Variants in SDK1 observed in about 807,000 individuals in gnomAD.
SDK1 encodes the protein sidekick cell adhesion molecule 1.
In SDK1, 157 loss-of-function variants were observed where a neutral mutation model predicts 245.5. The ratio of observed to expected loss-of-function variants is 0.64; its 90% CI spans 0.56 to 0.73. The LOEUF (loss-of-function observed/expected upper bound fraction) is 0.73. Ranked by LOEUF, SDK1 falls within the 30% of genes least tolerant of loss-of-function variation. The pLI is 0.00. For missense variants in SDK1, 3,583 were observed against 3,002.3 expected (o/e 1.19, Z -4.52); for synonymous variants, 1,647 against 1,278.5 (o/e 1.29, Z -6.15).
At chr7:3,646,715 C>G (rs1782850287) in intron 4 of SDK1, among the ~76,000 whole-genome samples, 1 of 145,204 alleles carries the variant, frequency 6.9e-6, no homozygotes, top group African/African-American at 2.9e-5. Context: ...ATTTAGAAGA[C>G]CAGCTTTCAA....
chr7:3,781,535 C>A (rs1780737932), intron 4 of SDK1, among the ~76,000 whole-genome samples: 1 of 152,106 alleles, frequency 6.6e-6, no homozygotes, highest in South Asian at 2.1e-4. Flanking sequence ...ATCATGACAC[C>A]TGCAAAGAAA....
At chr7:4,007,128 C>T (rs1010349154) in intron 14 of SDK1, among the ~76,000 whole-genome samples, 2 of 152,178 alleles carry the variant, frequency 1.3e-5, no homozygotes, top group African/African-American at 4.8e-5. Context: ...TTACTGAGTC[C>T]AGTATCAGTC....
At chr7:4,105,107 C>G (rs776255465) in intron 22 of SDK1, among the ~76,000 whole-genome samples, 2 of 151,608 alleles carry the variant, frequency 1.3e-5, no homozygotes, top group Non-Finnish European at 2.9e-5. Flanking sequence ...CTCAGCCTCC[C>G]AAGTAGCTGG....
At chr7:4,257,460 AAAT>A (rs1282712464) in intron 44 of SDK1, among the ~76,000 whole-genome samples, 1 of 152,248 alleles carries the variant, frequency 6.6e-6, no homozygotes, top group Non-Finnish European at 1.5e-5. Context: ...CCCCATTAAA[AAAT>A]AATAATGTCA....
chr7:3,565,856 C>A (rs150339630), intron 1 of SDK1, among the ~76,000 whole-genome samples: 8 of 152,028 alleles, frequency 5.3e-5, no homozygotes, highest in African/African-American at 1.9e-4. Flanking sequence ...CAATTTTTTC[C>A]GAATATTTTC....
At chr7:3,530,734 A>G (rs1783316133) in intron 1 of SDK1, among the ~76,000 whole-genome samples, 1 of 152,228 alleles carries the variant, frequency 6.6e-6, no homozygotes, top group Non-Finnish European at 1.5e-5. Flanking sequence ...AGGCCAAGGT[A>G]GCTAAATGCA....
At chr7:3,539,945 T>C (rs2128620231) in intron 1 of SDK1, among the ~76,000 whole-genome samples, 1 of 152,340 alleles carries the variant, frequency 6.6e-6, no homozygotes, top group Non-Finnish European at 1.5e-5. Context: ...CCAGTAGGCA[T>C]AATGACATAC....
intron 35 of SDK1, among the ~76,000 whole-genome samples, chr7:4,202,586 G>T (rs529521324): frequency 6.6e-6 from 1 of 152,284 alleles, no homozygotes; most frequent in East Asian, 1.9e-4. Context: ...GCTGTCCCCA[G>T]ATCAAATGGA....
At chr7:3,546,595 C>T (rs1779232759) in intron 1 of SDK1, among the ~76,000 whole-genome samples, 1 of 152,164 alleles carries the variant, frequency 6.6e-6, no homozygotes, top group South Asian at 2.1e-4. Flanking sequence ...TGCCAAGCAC[C>T]AAAATGAGTG....
intron 4 of SDK1, among the ~76,000 whole-genome samples, chr7:3,732,570 G>C (rs1377514916): frequency 2.0e-5 from 3 of 152,022 alleles, no homozygotes; most frequent in African/African-American, 4.8e-5. Context: ...TTACACTTTT[G>C]TTCTCTTACT....
chr7:3,738,241 G>T (rs1779376630), intron 4 of SDK1, among the ~76,000 whole-genome samples: 1 of 152,134 alleles, frequency 6.6e-6, no homozygotes, highest in Non-Finnish European at 1.5e-5. Context: ...GTAAGATAAG[G>T]GTCCACCTTC....
intron 1 of SDK1, among the ~76,000 whole-genome samples, chr7:3,451,766 T>G (rs1780522371): frequency 1.3e-5 from 2 of 152,210 alleles, no homozygotes; most frequent in Non-Finnish European, 2.9e-5. Context: ...TTTGCTCTCC[T>G]TCAAAACGTC....
intron 30 of SDK1, among the ~76,000 whole-genome samples, chr7:4,156,461 G>C (rs186086758): frequency 3.5e-4 from 53 of 152,298 alleles, no homozygotes; most frequent in African/African-American, 1.3e-3. Flanking sequence ...TGTTTTTCCA[G>C]TTGTGGACGC....
intron 1 of SDK1, among the ~76,000 whole-genome samples, chr7:3,476,870 TGTATAACTAGGGCTTTTGGCAGTAA>T (rs1781361336): frequency 6.6e-6 from 1 of 152,048 alleles, no homozygotes; most frequent in Non-Finnish European, 1.5e-5. Context: ...AAGAGATGGG[TGTATAACTAGGGCTTTTGGCAGTAA>T]GTGGGGAAAG....
intron 4 of SDK1, among the ~76,000 whole-genome samples, chr7:3,791,393 G>C (rs1041399240): frequency 1.3e-5 from 2 of 150,536 alleles, no homozygotes; most frequent in Admixed American, 6.6e-5. Context: ...CAGAAGCCAT[G>C]TCATATGGAC....
At chr7:3,506,476 C>G (rs1782396100) in intron 1 of SDK1, among the ~76,000 whole-genome samples, 1 of 152,044 alleles carries the variant, frequency 6.6e-6, no homozygotes, top group Non-Finnish European at 1.5e-5. Context: ...TGGTTTCATG[C>G]TTTCATAAAA....
At chr7:4,029,673 C>A (rs1307933320) in intron 17 of SDK1, among the ~76,000 whole-genome samples, 2 of 152,132 alleles carry the variant, frequency 1.3e-5, no homozygotes, top group South Asian at 4.1e-4. Context: ...GTGTGATTTA[C>A]TTGATCAGCC....
intron 1 of SDK1, among the ~76,000 whole-genome samples, chr7:3,350,853 C>T (rs1010754836): frequency 2.0e-5 from 3 of 151,950 alleles, no homozygotes; most frequent in Admixed American, 1.3e-4. Flanking sequence ...TAGTTTTTTC[C>T]CCCCATTAAA....
intron 4 of SDK1, among the ~76,000 whole-genome samples, chr7:3,753,091 T>C (rs1257930703): frequency 6.6e-6 from 1 of 152,116 alleles, no homozygotes; most frequent in Non-Finnish European, 1.5e-5. Flanking sequence ...ATCACTAAGA[T>C]GGGTGAGGTG....
Sources: allele counts gnomAD v4.1 joint callset (sites outside exome capture counted in the v4.1 genomes callset), GRCh38; gene constraint gnomAD v4.1.1; transcripts MANE v1.5; gene names NCBI Gene and HGNC (gene_info 2026-07-23, HGNC 2026-07-21).